Variants in C5 observed in about 807,000 individuals in gnomAD.
The protein encoded by C5 is C3 and PZP-like alpha-2-macroglobulin domain-containing protein 4.
C5 carries 140 observed loss-of-function variants against 218.8 expected under a neutral mutation model. The observed-to-expected ratio is 0.64, with a 90% confidence interval of 0.56 to 0.74. The LOEUF (loss-of-function observed/expected upper bound fraction) is 0.74, where lower values mean the gene tolerates loss of function less well. C5 is among the 30% of genes least tolerant of loss of function. C5 has a pLI of 0.00. For synonymous variants in C5, 614 were observed against 682.3 expected (o/e 0.90, Z 1.56); for missense variants, 1,700 against 1,969.6 (o/e 0.86, Z 2.59).
At chr9:120,980,311 T>A (rs1318812214) in intron 27 of C5, 57 bp from the exon 28 acceptor site, 2 of 1,454,922 alleles carry the variant, frequency 1.4e-6, no homozygotes, top group South Asian at 1.1e-5. Flanking sequence ...TATCAATTGA[T>A]ATGAACTACC....
In C5 at chr9:121,014,029, C is replaced by T. The variant is rs187925604; in HGVS notation, c.2101G>A (p.Asp701Asn). Residue 701 changes from aspartate (D) to asparagine (N), a missense_variant, in exon 17 of 41, where the codon GAT (aspartate) becomes AAT (asparagine). Coordinates refer to ENST00000223642, the MANE Select transcript of C5 (RefSeq NM_001735.3). ...TCATCATTATTAACGCAGGCTCCATCGTAACAACATTTCTTCACTACTGAA... is the reference window on the plus strand; with the variant it reads ...TCATCATTATTAACGCAGGCTCCATTGTAACAACATTTCTTCACTACTGAA... Reference protein sequence around the residue: ...KHSVVKKCCYDGACVNNDETC... With the variant: ...KHSVVKKCCYNGACVNNDETC... The T allele has an allele frequency of 8.1e-6, 13 of 1,614,156 alleles. No individual in the cohort carries two copies. The highest frequency in any genetic ancestry group is 6.7e-5 in the African/African-American group (5 of 75,036).
At chr9:121,035,158 A>C (rs2047513009) in intron 4 of C5, among the ~76,000 whole-genome samples, 1 of 152,102 alleles carries the variant, frequency 6.6e-6, no homozygotes, top group Non-Finnish European at 1.5e-5. Flanking sequence ...CTCGTTGTAC[A>C]TCTAAAAGAT....
Position 120,971,104 on chromosome 9 carries a change from G to A in C5, c.4080+826C>T, listed in dbSNP as rs552401194. ...GGAGAATTGCTTGAACCTGGGAGGCGGAGGTTGCAGTGAGCCAAGATTGCA... is the reference window on the plus strand; with the variant it reads ...GGAGAATTGCTTGAACCTGGGAGGCAGAGGTTGCAGTGAGCCAAGATTGCA... On this transcript the variant is annotated intron_variant, in intron 31 of 40. Coordinates refer to ENST00000223642, the MANE Select transcript of C5 (RefSeq NM_001735.3). Among the ~76,000 whole-genome samples, 14 of 150,260 alleles carry A rather than the reference G, an allele frequency of 9.3e-5. No individual in the cohort carries two copies. The East Asian group carries it at 1.8e-3, about 19-fold the overall frequency.
intron 15 of C5, 72 bp downstream of exon 15, chr9:121,016,182 A>G: frequency 6.4e-7 from 1 of 1,572,060 alleles, no homozygotes; most frequent in Non-Finnish European, 8.8e-7. Flanking sequence ...ATTTGGGAAG[A>G]AGGATAAAAA....
At chr9:120,997,394 G>C (rs997364025) in intron 21 of C5, among the ~76,000 whole-genome samples, 153 bp downstream of exon 21, 1 of 151,934 alleles carries the variant, frequency 6.6e-6, no homozygotes, top group South Asian at 2.1e-4. Flanking sequence ...AAAATTGCAA[G>C]AATAGTACAA....
chr9:120,990,093 A>C lies in C5; in HGVS notation c.2942-313T>G, dbSNP rs545024261. The stretch of plus-strand genomic sequence containing the variant: ...GTTAGCTTTAGACATTATAAACCAT[A>C]TTTACCAATCCCTTCCAGGAAGCAA... On this transcript the variant is annotated intron_variant, in intron 23 of 40. Coordinates refer to ENST00000223642, the MANE Select transcript of C5 (RefSeq NM_001735.3). Among the ~76,000 whole-genome samples, 3 of 152,340 alleles carry C rather than the reference A, an allele frequency of 2.0e-5. No individual in the cohort carries two copies. The South Asian group carries it at 6.2e-4, about 32-fold the overall frequency.
At chr9:120,983,866 C>T (rs1169285756) in intron 25 of C5, among the ~76,000 whole-genome samples, 1 of 152,106 alleles carries the variant, frequency 6.6e-6, no homozygotes, top group African/African-American at 2.4e-5. Flanking sequence ...CAGTCCCTGT[C>T]CCCCTCCACC....
intron 21 of C5, 61 bp downstream of exon 21, chr9:120,997,486 C>A (rs1389257844): frequency 1.2e-5 from 15 of 1,228,632 alleles, no homozygotes; most frequent in Non-Finnish European, 1.8e-5. Flanking sequence ...TCTCCCCCCC[C>A]TTTCTGTGTC....
Position 121,016,160 on chromosome 9 carries a change from AG to A in C5, c.1996+93del, listed in dbSNP as rs1280366277. On this transcript the variant is annotated intron_variant, in intron 15 of 40. Transcript: ENST00000223642. ...TATGTAGTCTTGGCATTCTAAGATC[AG>A]GGTACAGAATATTTGGGAAGAAGGA... is the stretch of plus-strand genomic sequence containing the variant. 10 of 1,471,664 alleles carry A rather than the reference AG, an allele frequency of 6.8e-6. No homozygotes were observed. In the Admixed American group the frequency reaches 1.5e-4, roughly 22 times the overall value. The allele number at this position is 1,471,664 out of a possible 1,614,324, so 91.2% of individuals were successfully genotyped here. A position where few individuals can be genotyped will look rare whatever the true frequency, so the allele number is the denominator to read the frequency against.
Position 121,017,851 on chromosome 9 carries a change from A to G in C5, c.1508T>C (p.Ile503Thr). 1 of 1,598,736 alleles carries G rather than the reference A, an allele frequency of 6.3e-7. No homozygotes were observed. The highest frequency in any genetic ancestry group is 1.3e-5 in the African/African-American group (1 of 74,760). The change falls in exon 13 of 41, where the codon ATT (isoleucine) becomes ACT (threonine). Residue 503 changes from isoleucine (I) to threonine (T), a missense_variant and splice_region_variant. Coordinates refer to ENST00000223642, the MANE Select transcript of C5 (RefSeq NM_001735.3). The stretch of plus-strand genomic sequence containing the variant: ...GTGGATAATTTTGCCCTTGGATAAA[A>G]TCTAAAAATAAACAGCAGCAGCAAC... ...IDKITHYNYLILSKGKIIHFG... is the reference protein window; with the variant it reads ...IDKITHYNYLTLSKGKIIHFG...
chr9:121,041,022 C>A (rs1158717733), intron 3 of C5, among the ~76,000 whole-genome samples: 1 of 148,998 alleles, frequency 6.7e-6, no homozygotes, highest in Non-Finnish European at 1.5e-5. Flanking sequence ...GATCTCACTG[C>A]AACCTCTGCC....
At chr9:121,002,150 A>T (rs1044760503) in intron 20 of C5, among the ~76,000 whole-genome samples, 2 of 147,970 alleles carry the variant, frequency 1.4e-5, no homozygotes, top group African/African-American at 4.9e-5. Flanking sequence ...GTATGTATAT[A>T]TGTATAGATA....
chr9:120,976,105 A>G (rs2046951378), intron 29 of C5, among the ~76,000 whole-genome samples: 1 of 152,222 alleles, frequency 6.6e-6, no homozygotes, highest in South Asian at 2.1e-4. Flanking sequence ...TCTAAATTAC[A>G]TATATATAAA....
At chr9:120,989,340 G>A (rs2047058310) in intron 24 of C5, among the ~76,000 whole-genome samples, 1 of 152,202 alleles carries the variant, frequency 6.6e-6, no homozygotes, top group Admixed American at 6.5e-5. Flanking sequence ...GGAAGGAAGT[G>A]TTCTGTAGTT....
chr9:121,040,697 G>T (rs576858142), intron 3 of C5, among the ~76,000 whole-genome samples: 2 of 152,182 alleles, frequency 1.3e-5, no homozygotes, highest in South Asian at 4.1e-4. Context: ...ACTCTATGAG[G>T]TAAGTTGTAT....
rs2047296444 is a variant in C5 at position 121,015,218 on chromosome 9, T to G, written c.2040A>C (p.Gln680His). Residue 680 changes from glutamine to histidine, a missense_variant, in exon 16 of 41, where the codon CAA (glutamine) becomes CAC (histidine). Physicochemically the swap from Gln to His is conservative, Grantham distance 24 (BLOSUM62 0). Coordinates refer to ENST00000223642, the MANE Select transcript of C5 (RefSeq NM_001735.3). Reference protein sequence around the residue: ...KEILRPRRTLQKKIEEIAAKY... With the variant: ...KEILRPRRTLHKKIEEIAAKY... ...CAGTACCTATTTCTTCTATCTTCTT[T>G]TGCAGCGTTCTTCTTGGCCTGAGAA... is the stretch of plus-strand genomic sequence containing the variant. The G allele has an allele frequency of 6.2e-7, 1 of 1,607,702 alleles. No individual in the cohort carries two copies. Among genetic ancestry groups the G allele is most frequent in the African/African-American group, 1.3e-5 (1 of 74,814 alleles).
At chr9:120,963,545 A>G in intron 34 of C5, 91 bp downstream of exon 34, 2 of 915,948 alleles carry the variant, frequency 2.2e-6, no homozygotes, top group East Asian at 2.6e-5. Flanking sequence ...TAAAAGTGGT[A>G]TATTCAAATG....
At chr9:121,046,427 A>G (rs770946158) in intron 1 of C5, 44 bp from the exon 2 acceptor site, 2 of 1,366,916 alleles carry the variant, frequency 1.5e-6, no homozygotes, top group East Asian at 4.6e-5. Context: ...TTTATATGAC[A>G]TATTTTCTTT....
chr9:120,987,782 T>C (rs1056852045), intron 25 of C5, among the ~76,000 whole-genome samples: 2 of 151,850 alleles, frequency 1.3e-5, no homozygotes, highest in Non-Finnish European at 2.9e-5. Flanking sequence ...AGCATGATGG[T>C]TTTTTTGTTT....
Sources: gnomAD v4.1 joint callset for allele counts (sites outside exome capture counted in the v4.1 genomes callset) on GRCh38, gnomAD v4.1.1 for gene constraint, MANE v1.5 for transcripts, NCBI Gene and HGNC (gene_info 2026-07-23, HGNC 2026-07-21) for gene names.